The following MTMR2 variants were observed in gnomAD, a reference collection of about 807,000 sequenced individuals.
The protein encoded by MTMR2 is phosphatidylinositol-3,5-bisphosphate 3-phosphatase MTMR2.
A neutral mutation model predicts 86.9 loss-of-function variants in MTMR2; 55 were observed. The ratio of observed to expected loss-of-function variants is 0.63; its 90% CI spans 0.51 to 0.79. MTMR2 has a LOEUF of 0.79. Ranked by LOEUF, MTMR2 falls within the 30% of genes least tolerant of loss-of-function variation. The pLI, the probability that MTMR2 is intolerant of heterozygous loss-of-function variation, is 0.00. For synonymous variants in MTMR2, 241 were observed against 266.8 expected (o/e 0.90, Z 0.94); for missense variants, 659 against 772.3 (o/e 0.85, Z 1.74).
At chr11:95,845,266 G>C in intron 10 of MTMR2, 107 bp from the exon 11 acceptor site, 1 of 991,570 alleles carries the variant, frequency 1.0e-6, no homozygotes, top group Non-Finnish European at 1.5e-6. Flanking sequence ...ATAACATGAG[G>C]AAAAACATTT....
At chr11:95,851,457 G>A (rs866620135) in intron 7 of MTMR2, among the ~76,000 whole-genome samples, 26 of 152,108 alleles carry the variant, frequency 1.7e-4, no homozygotes, top group African/African-American at 6.3e-4. Context: ...CTGCCTCCCG[G>A]GTTCAAGCAA....
At chr11:95,918,378 T>G (rs542055891) in intron 1 of MTMR2, among the ~76,000 whole-genome samples, 1 of 152,298 alleles carries the variant, frequency 6.6e-6, no homozygotes, top group Non-Finnish European at 1.5e-5. Context: ...GAGACCAAAC[T>G]TTGAGAACTA....
At chr11:95,899,234 G>A (rs1865986288) in intron 1 of MTMR2, among the ~76,000 whole-genome samples, 4 of 152,092 alleles carry the variant, frequency 2.6e-5, no homozygotes, top group Admixed American at 1.3e-4. Context: ...TTTGGAAACA[G>A]AATAGAATTT....
intron 5 of MTMR2, among the ~76,000 whole-genome samples, chr11:95,858,978 A>G (rs146151711): frequency 6.6e-6 from 1 of 152,204 alleles, no homozygotes; most frequent in South Asian, 2.1e-4. Flanking sequence ...AACTATCAGC[A>G]TATGTGCTTT....
intron 2 of MTMR2, among the ~76,000 whole-genome samples, chr11:95,886,550 C>A (rs1164661082): frequency 6.6e-6 from 1 of 152,096 alleles, no homozygotes; most frequent in African/African-American, 2.4e-5. Flanking sequence ...CTGCAGTGTA[C>A]TGCACTTCAC....
chr11:95,837,975 T>G, intron 13 of MTMR2, 119 bp downstream of exon 13: 1 of 711,412 alleles, frequency 1.4e-6, no homozygotes. Flanking sequence ...TATTATAGCA[T>G]GTAAGATAAA....
intron 10 of MTMR2, among the ~76,000 whole-genome samples, chr11:95,846,498 G>A (rs1433550742): frequency 6.6e-6 from 1 of 152,168 alleles, no homozygotes; most frequent in African/African-American, 2.4e-5. Flanking sequence ...ATTTTGTAAA[G>A]AGGCTGGGAA....
chr11:95,909,221 G>T (rs915776665), intron 1 of MTMR2, among the ~76,000 whole-genome samples: 7 of 151,430 alleles, frequency 4.6e-5, no homozygotes, highest in Admixed American at 3.9e-4. Flanking sequence ...CATTATTGGT[G>T]GGGGGGGAAA....
At chr11:95,849,593 GCT>G in intron 9 of MTMR2, 79 bp downstream of exon 9, 3 of 1,253,316 alleles carry the variant, frequency 2.4e-6, no homozygotes, top group Non-Finnish European at 3.5e-6. Context: ...TAGAGCCTGA[GCT>G]CTTTTTACTA....
intron 1 of MTMR2, 90 bp from the exon 2 acceptor site, chr11:95,888,351 T>C: frequency 1.1e-6 from 1 of 880,996 alleles, no homozygotes; most frequent in Non-Finnish European, 1.8e-6. Context: ...CCAATATTTA[T>C]TAAAATTTCC....
In MTMR2 at chr11:95,858,727, T is replaced by A. The variant is rs142063622; in HGVS notation, c.469-95A>T. On this transcript the variant is annotated intron_variant, in intron 5 of 14. Transcript: ENST00000346299. ...GGAACTATCTTGTAAAATGTTAAGATCTGTGAATGTGGGATACAAAAATAA... is the reference window on the plus strand; with the variant it reads ...GGAACTATCTTGTAAAATGTTAAGAACTGTGAATGTGGGATACAAAAATAA... 4.0e-5 allele frequency: 33 copies of A among 825,600 alleles called. No homozygotes were observed. The African/African-American group carries it at 5.6e-4, about 14-fold the overall frequency. The allele number at this position is 825,600 out of a possible 1,614,324, so 51.1% of individuals were successfully genotyped here. A position where few individuals can be genotyped will look rare whatever the true frequency, so the allele number is the denominator to read the frequency against.
intron 9 of MTMR2, 60 bp from the exon 10 acceptor site, chr11:95,847,959 CAT>C: frequency 6.9e-7 from 1 of 1,457,368 alleles, no homozygotes; most frequent in Non-Finnish European, 9.6e-7. Context: ...AAACAAGTGA[CAT>C]AAAATATCCA....
At chr11:95,862,241 T>G (rs761119373) in intron 4 of MTMR2, 31 bp downstream of exon 4, 1 of 1,566,802 alleles carries the variant, frequency 6.4e-7, no homozygotes, top group Non-Finnish European at 8.8e-7. Flanking sequence ...AACACACTCA[T>G]GTACATACAA....
At chr11:95,921,068 G>A (rs1057201732) in intron 1 of MTMR2, among the ~76,000 whole-genome samples, 2 of 152,136 alleles carry the variant, frequency 1.3e-5, no homozygotes, top group Non-Finnish European at 2.9e-5. Flanking sequence ...TTAGAGATGA[G>A]TATATTACCA....
At chr11:95,867,092 G>A (rs1405104873) in intron 2 of MTMR2, among the ~76,000 whole-genome samples, 1 of 151,974 alleles carries the variant, frequency 6.6e-6, no homozygotes, top group African/African-American at 2.4e-5. Context: ...AATTATGAAA[G>A]CAACAAAATT....
At chr11:95,875,416 G>A (rs887258607) in intron 2 of MTMR2, among the ~76,000 whole-genome samples, 6 of 152,144 alleles carry the variant, frequency 3.9e-5, no homozygotes, top group East Asian at 1.9e-4. Flanking sequence ...CATTCGTCAC[G>A]TAGTTCTCAT....
chr11:95,872,521 G>A lies in MTMR2; in HGVS notation c.187-6845C>T, dbSNP rs1055425053. The stretch of plus-strand genomic sequence containing the variant: ...GCTTAAGGAGATTTTGGGCTGAGAC[G>A]ATGGGGTTTTCTAGATATACAATCA... On this transcript the variant is annotated intron_variant, in intron 2 of 14. Coordinates refer to ENST00000346299, the MANE Select transcript of MTMR2 (RefSeq NM_016156.6). Among the ~76,000 whole-genome samples the A allele has an allele frequency of 5.9e-4, 90 of 152,238 alleles. 2 individuals are homozygous for A. Among genetic ancestry groups the A allele is most frequent in the East Asian group, 5.8e-4 (3 of 5,182 alleles).
chr11:95,899,207 G>GT (rs1865985897), intron 1 of MTMR2, among the ~76,000 whole-genome samples: 1 of 152,074 alleles, frequency 6.6e-6, no homozygotes, highest in South Asian at 2.1e-4. Context: ...TAAAATAGGA[G>GT]TGGACATATG....
intron 1 of MTMR2, among the ~76,000 whole-genome samples, chr11:95,891,560 C>G (rs570726935): frequency 6.6e-6 from 1 of 152,244 alleles, no homozygotes; most frequent in South Asian, 2.1e-4. Flanking sequence ...GCAACTTATA[C>G]TTTGCAGTCT....
Sources: gnomAD v4.1 joint callset for allele counts (sites outside exome capture counted in the v4.1 genomes callset) on GRCh38, gnomAD v4.1.1 for gene constraint, MANE v1.5 for transcripts, NCBI Gene and HGNC (gene_info 2026-07-23, HGNC 2026-07-21) for gene names.